The following CPZ variants were observed in gnomAD, a reference collection of about 807,000 sequenced individuals.
CPZ encodes the protein carboxypeptidase Z, also known as VEZT/CPZ fusion.
In CPZ, 103 loss-of-function variants were observed where a neutral mutation model predicts 61.8. That is an observed-to-expected ratio of 1.67 (90% CI 1.42 to 1.96). CPZ has a LOEUF of 1.96. Ranked by LOEUF, CPZ falls within the 30% of genes most tolerant of loss-of-function variation. The pLI is 0.00. For missense variants in CPZ, 1,461 were observed against 914.9 expected (o/e 1.60, Z -7.70); for synonymous variants, 551 against 373.7 (o/e 1.47, Z -5.47).
At chr4:8,594,752 G>A (rs970728582) in intron 1 of CPZ, among the ~76,000 whole-genome samples, 7 of 150,516 alleles carry the variant, frequency 4.7e-5, no homozygotes, top group Admixed American at 1.3e-4. Flanking sequence ...AGAAACAGGC[G>A]AAACTGATTT....
chr4:8,611,431 C>CA (rs759958310), intron 7 of CPZ, among the ~76,000 whole-genome samples: 1 of 152,156 alleles, frequency 6.6e-6, no homozygotes, highest in Non-Finnish European at 1.5e-5. Context: ...TCAAGGGTGG[C>CA]AGATCCTGTG....
At chr4:8,613,357 CCT>C (rs1361938642) in intron 8 of CPZ, among the ~76,000 whole-genome samples, 1 of 152,194 alleles carries the variant, frequency 6.6e-6, no homozygotes, top group Non-Finnish European at 1.5e-5. Flanking sequence ...GTCTTGATCT[CCT>C]GACCTCGTGA....
intron 7 of CPZ, among the ~76,000 whole-genome samples, chr4:8,611,747 A>T (rs1056232138): frequency 2.0e-5 from 3 of 150,856 alleles, no homozygotes; most frequent in Non-Finnish European, 4.4e-5. Flanking sequence ...AGCCCACACT[A>T]CCCGGCCAGG....
At chr4:8,604,322 G>A in intron 4 of CPZ, 134 bp downstream of exon 4, 1 of 772,488 alleles carries the variant, frequency 1.3e-6, no homozygotes, top group Non-Finnish European at 2.0e-6. Flanking sequence ...GCTGCTTGGT[G>A]CAGGCCACGT....
chr4:8,619,627 C>T lies in CPZ; in HGVS notation c.*10C>T, dbSNP rs769619317. 1 of 1,476,300 alleles carries T rather than the reference C, an allele frequency of 6.8e-7. No individual in the cohort carries two copies. The highest frequency in any genetic ancestry group is 1.5e-5 in the South Asian group (1 of 68,280). 91.5% of individuals were successfully genotyped at this position (1,476,300 alleles called of 1,614,324 possible). A position where few individuals can be genotyped will look rare whatever the true frequency, so the allele number is the denominator to read the frequency against. On this transcript the variant is annotated 3_prime_UTR_variant, in exon 11 of 11. Coordinates refer to ENST00000360986, the MANE Select transcript of CPZ (RefSeq NM_001014447.3). ...GCTGCTCAAGTACTAGCCCCGGCCCCAGCACCCGCCAGGATGTGGAGACCG... is the reference window on the plus strand; with the variant it reads ...GCTGCTCAAGTACTAGCCCCGGCCCTAGCACCCGCCAGGATGTGGAGACCG...
intron 7 of CPZ, 47 bp downstream of exon 7, chr4:8,607,472 G>A (rs751822051): frequency 7.5e-6 from 12 of 1,592,448 alleles, no homozygotes; most frequent in Admixed American, 5.1e-5. Context: ...CAGTGTGCGC[G>A]GTCCCCTTGG....
At chr4:8,609,127 T>TTCTC (rs1553877616) in intron 7 of CPZ, among the ~76,000 whole-genome samples, 1 of 139,458 alleles carries the variant, frequency 7.2e-6, no homozygotes, top group South Asian at 2.4e-4. Context: ...CCCTCACTCA[T>TTCTC]TCACTCATTT....
chr4:8,618,104 A>C (rs1716351448), intron 9 of CPZ: 7 of 328,174 alleles, frequency 2.1e-5, no homozygotes, highest in East Asian at 7.4e-5. Flanking sequence ...CAGGGAAGGA[A>C]TGCCGATCAG....
At chr4:8,605,940 G>A (rs1199239770) in intron 4 of CPZ, 49 bp from the exon 5 acceptor site, 1 of 1,576,314 alleles carries the variant, frequency 6.3e-7, no homozygotes, top group Non-Finnish European at 8.7e-7. Context: ...ATGCCTTTGG[G>A]GACCCCCGGC....
intron 9 of CPZ, among the ~76,000 whole-genome samples, chr4:8,615,414 A>T (rs780981684): frequency 6.6e-6 from 1 of 152,116 alleles, no homozygotes; most frequent in South Asian, 2.1e-4. Flanking sequence ...AGCTTCTGCT[A>T]TTTTTTTCCC....
chr4:8,611,603 C>T lies in CPZ; in HGVS notation c.1228-424C>T, dbSNP rs188746535. Among the ~76,000 whole-genome samples the T allele has an allele frequency of 1.2e-4, 19 of 152,272 alleles. 1 individual carries two copies. Among genetic ancestry groups the T allele is most frequent in the African/African-American group, 4.1e-4 (17 of 41,546 alleles). On this transcript the variant is annotated intron_variant, in intron 7 of 10. Transcript: ENST00000360986. ...AGTGATTATTCATAGAAGTAGTTGG[C>T]TTTGGAGATGAAGTCGGGGAAAATG...
At chr4:8,615,169 G>A (rs1452919843) in intron 9 of CPZ, among the ~76,000 whole-genome samples, 3 of 152,210 alleles carry the variant, frequency 2.0e-5, no homozygotes, top group East Asian at 1.9e-4. Context: ...GACTACTATC[G>A]TGAGGCTGAG....
In CPZ at chr4:8,603,995, G is replaced by A; in HGVS notation, c.516G>A (p.Glu172=). The part of the protein sequence containing the change: ...EKLRGGLEAD[E]ALPSGLPPTF... ...CCCCAGGAGGCCTGGAGGCTGACGA[G>A]GCACTGCCCTCAGGGCTGCCGCCCA... The change falls in exon 4 of 11, where the codon GAG becomes GAA. Residue 172 remains glutamate, a synonymous_variant. Transcript: ENST00000360986. 2 of 1,612,132 alleles carry A rather than the reference G, an allele frequency of 1.2e-6. No individual in the cohort carries two copies. Among genetic ancestry groups the A allele is most frequent in the Non-Finnish European group, 1.7e-6 (2 of 1,179,798 alleles).
intron 1 of CPZ, among the ~76,000 whole-genome samples, chr4:8,593,846 G>T (rs1466882046): frequency 6.6e-6 from 1 of 152,098 alleles, no homozygotes; most frequent in African/African-American, 2.4e-5. Context: ...TCCCACCTCT[G>T]CTCCTCGCCT....
Position 8,601,493 on chromosome 4 carries a change from T to G in CPZ, c.492T>G (p.Leu164=). ...GCTGCTATGACCCGCTGGAGAAGCT[T>G]CGGGGTAAGGGAAAGTGGCGGGGGC... ...DEGCYDPLEK[L]RGGLEADEAL... is the part of the protein sequence containing the mutation. The change falls in exon 3 of 11, where the codon CTT becomes CTG. Residue 164 remains leucine, a synonymous_variant. Coordinates refer to ENST00000360986, the MANE Select transcript of CPZ (RefSeq NM_001014447.3). 1 of 1,475,142 alleles carries G rather than the reference T, an allele frequency of 6.8e-7. No individual in the cohort carries two copies. Among genetic ancestry groups the G allele is most frequent in the Non-Finnish European group, 9.0e-7 (1 of 1,111,358 alleles). The allele number at this position is 1,475,142 out of a possible 1,614,324, so 91.4% of individuals were successfully genotyped here.
At position 8,606,183 on chromosome 4, in the gene CPZ, G is replaced by A. The variant is rs771026226; in HGVS notation, c.904G>A (p.Glu302Lys). The A allele has an allele frequency of 1.9e-5, 30 of 1,612,810 alleles. No homozygotes were observed. Among genetic ancestry groups the A allele is most frequent in the South Asian group, 6.6e-5 (6 of 90,972 alleles). Residue 302 changes from glutamate (E) to lysine (K), a missense_variant and splice_region_variant, in exon 5 of 11, where the codon GAG becomes AAG. Coordinates refer to ENST00000360986, the MANE Select transcript of CPZ (RefSeq NM_001014447.3). ...NPDGYEVAAA[E>K]GAGYNGWTSG... ...TGACGGCTATGAGGTGGCAGCTGCC[G>A]AGGTGAGCGCCCAGATGCCTGGATC...
chr4:8,611,075 TTCATTCGCTCATTCACTCAC>T (rs1715628096), intron 7 of CPZ: 4 of 362,846 alleles, frequency 1.1e-5, no homozygotes, highest in African/African-American at 6.7e-5. Flanking sequence ...CATTCACTCA[TTCATTCGCTCATTCACTCAC>T]TCACTCACTC....
intron 1 of CPZ, among the ~76,000 whole-genome samples, chr4:8,595,301 T>C (rs1714096372): frequency 1.3e-5 from 2 of 152,216 alleles, no homozygotes; most frequent in Admixed American, 6.5e-5. Flanking sequence ...TCTAGGGGCA[T>C]AGGCTTTCAC....
intron 9 of CPZ, among the ~76,000 whole-genome samples, chr4:8,615,722 G>C (rs898117185): frequency 6.6e-6 from 1 of 152,346 alleles, no homozygotes; most frequent in Admixed American, 6.5e-5. Flanking sequence ...GGGTCAGAGA[G>C]TGACATGGCC....
Sources: allele counts gnomAD v4.1 joint callset (sites outside exome capture counted in the v4.1 genomes callset), GRCh38; gene constraint gnomAD v4.1.1; transcripts MANE v1.5; gene names NCBI Gene and HGNC (gene_info 2026-07-23, HGNC 2026-07-21).